IGSF11: variants seen among roughly 807,000 people sequenced by gnomAD.
The protein encoded by IGSF11 is CXADR like 1.
Under a neutral mutation model 41.0 loss-of-function variants are expected in IGSF11, and 22 were observed. That is an observed-to-expected ratio of 0.54 (90% confidence interval 0.38 to 0.77). The LOEUF (loss-of-function observed/expected upper bound fraction) is 0.77. IGSF11 is among the 30% of genes least tolerant of loss of function. IGSF11 has a pLI of 0.00. For missense variants in IGSF11, 444 were observed against 530.8 expected, an observed-to-expected ratio of 0.84 and a Z score of 1.61; for synonymous variants, 219 against 201.3, an observed-to-expected ratio of 1.09 and a Z score of -0.74.
intron 1 of IGSF11, among the ~76,000 whole-genome samples, chr3:119,028,039 T>C (rs1314437623): frequency 6.6e-6 from 1 of 152,176 alleles, no homozygotes; most frequent in Non-Finnish European, 1.5e-5. Flanking sequence ...AGAAGTTGTA[T>C]ACCTGATAGT....
At chr3:118,909,666 G>A (rs957923639) in intron 4 of IGSF11, among the ~76,000 whole-genome samples, 3 of 152,364 alleles carry the variant, frequency 2.0e-5, no homozygotes, top group Admixed American at 6.5e-5. Flanking sequence ...TGGATGTTAG[G>A]ATACATCCTG....
chr3:119,134,782 G>A (rs1233756520), intron 1 of IGSF11, among the ~76,000 whole-genome samples: 1 of 152,106 alleles, frequency 6.6e-6, no homozygotes, highest in Non-Finnish European at 1.5e-5. Context: ...AAAGCTGGAG[G>A]CATCACGCTA....
intron 1 of IGSF11, among the ~76,000 whole-genome samples, chr3:118,962,851 A>C (rs773565428): frequency 6.6e-5 from 10 of 152,166 alleles, no homozygotes; most frequent in Non-Finnish European, 1.0e-4. Context: ...ACAAGGGAGA[A>C]ATAAGGAGGA....
At chr3:119,017,087 G>A (rs1344548524) in intron 1 of IGSF11, among the ~76,000 whole-genome samples, 1 of 150,052 alleles carries the variant, frequency 6.7e-6, no homozygotes, top group African/African-American at 2.5e-5. Flanking sequence ...TCACTTGGGA[G>A]GTGATATCCA....
intron 1 of IGSF11, among the ~76,000 whole-genome samples, chr3:118,999,890 G>GCAACCGA (rs1392374005): frequency 2.0e-5 from 3 of 151,998 alleles, no homozygotes; most frequent in Non-Finnish European, 4.4e-5. Flanking sequence ...TAGAGTACCA[G>GCAACCGA]CAACCGACAC....
chr3:118,933,548 CATT>C (rs1434757337), intron 1 of IGSF11, among the ~76,000 whole-genome samples: 1 of 151,268 alleles, frequency 6.6e-6, no homozygotes, highest in African/African-American at 2.4e-5. Flanking sequence ...TACTTACTGA[CATT>C]ATTTTCATTT....
Position 118,904,813 on chromosome 3 carries a change from TAAGATATATTTA to T in IGSF11, c.704-27_704-16del. On this transcript the variant is annotated splice_polypyrimidine_tract_variant and intron_variant, in intron 5 of 6. Coordinates refer to ENST00000393775, the MANE Select transcript of IGSF11 (RefSeq NM_001015887.3). Reference sequence around the variant, plus strand: ...CCTGGGCTGGGCTGCAAAATATATTTAAGATATATTTAAAGAAAAGAGAAAGAGAGAAATAGC... The same window carrying T: ...CCTGGGCTGGGCTGCAAAATATATTTAAGAAAAGAGAAAGAGAGAAATAGC... The T allele has an allele frequency of 6.3e-7, 1 of 1,578,196 alleles. No homozygotes were observed. Among genetic ancestry groups the T allele is most frequent in the South Asian group, 1.2e-5 (1 of 83,772 alleles).
At chr3:119,005,034 C>T (rs1171029516) in intron 1 of IGSF11, among the ~76,000 whole-genome samples, 57 of 148,502 alleles carry the variant, frequency 3.8e-4, no homozygotes, top group African/African-American at 1.4e-3. Flanking sequence ...CTTCCTGTCT[C>T]GTTGATCTGT....
At chr3:119,140,439 T>C (rs531287038) in intron 1 of IGSF11, among the ~76,000 whole-genome samples, 4 of 152,216 alleles carry the variant, frequency 2.6e-5, no homozygotes, top group South Asian at 4.1e-4. Flanking sequence ...TAAACACATA[T>C]AGCCCTAACA....
chr3:118,931,402 C>G (rs1240458980), intron 1 of IGSF11, among the ~76,000 whole-genome samples: 1 of 152,100 alleles, frequency 6.6e-6, no homozygotes, highest in Admixed American at 6.5e-5. Context: ...GGAAATAATA[C>G]AAATATCCAT....
At chr3:118,961,393 G>C (rs990924888) in intron 1 of IGSF11, among the ~76,000 whole-genome samples, 1 of 151,888 alleles carries the variant, frequency 6.6e-6, no homozygotes, top group African/African-American at 2.4e-5. Context: ...TAAAGCTCAG[G>C]GCACTGTATA....
chr3:118,977,598 G>A (rs1934259265), intron 1 of IGSF11, among the ~76,000 whole-genome samples: 1 of 152,184 alleles, frequency 6.6e-6, no homozygotes, highest in Non-Finnish European at 1.5e-5. Flanking sequence ...AGAAAGTAGA[G>A]GGAAATGAGG....
chr3:118,969,542 C>G (rs534585453), intron 1 of IGSF11, among the ~76,000 whole-genome samples: 7 of 152,144 alleles, frequency 4.6e-5, no homozygotes, highest in Admixed American at 4.6e-4. Context: ...ATGGTAGCTT[C>G]CCCCGTGAAA....
intron 4 of IGSF11, among the ~76,000 whole-genome samples, chr3:118,925,102 A>T (rs9871537): frequency 0.3 from 46,143 of 151,592 alleles, 10,237 homozygotes; most frequent in African/African-American, 0.62. Context: ...AGTTTTTTTT[A>T]AATGATGAAT....
chr3:119,047,318 G>A (rs1335008158), intron 1 of IGSF11, among the ~76,000 whole-genome samples: 1 of 152,034 alleles, frequency 6.6e-6, no homozygotes, highest in African/African-American at 2.4e-5. Context: ...CAAGCAAATG[G>A]AAAACTAAAA....
intron 1 of IGSF11, among the ~76,000 whole-genome samples, chr3:119,129,135 G>A (rs2077442978): frequency 6.6e-6 from 1 of 152,006 alleles, no homozygotes; most frequent in Non-Finnish European, 1.5e-5. Context: ...ACAGAGAGGG[G>A]AACAACAACA....
chr3:119,034,859 G>T (rs953927668), upstream of IGSF11: 1 of 1,211,038 alleles, frequency 8.3e-7, no homozygotes, highest in Non-Finnish European at 1.0e-6. Flanking sequence ...CCGACCCCTC[G>T]CGCAGTCCGG....
chr3:119,001,509 T>A lies in IGSF11; in HGVS notation c.52+33022A>T, dbSNP rs574903897. 4.5e-3 allele frequency among the ~76,000 whole-genome samples: 671 copies of A among 147,630 alleles called. 10 individuals carry two copies. The highest frequency in any genetic ancestry group is 0.016 in the African/African-American group (642 of 40,260). ...ATTATACTTTAAGTTTTAGGGTACATGTGCACATTGTGCAGGTTAGTTACA... is the reference window on the plus strand; with the variant it reads ...ATTATACTTTAAGTTTTAGGGTACAAGTGCACATTGTGCAGGTTAGTTACA... On this transcript the variant is annotated intron_variant, in intron 1 of 6. Transcript: ENST00000393775.
intron 1 of IGSF11, among the ~76,000 whole-genome samples, chr3:119,022,126 A>G (rs1939351982): frequency 6.6e-6 from 1 of 152,230 alleles, no homozygotes; most frequent in Admixed American, 6.5e-5. Flanking sequence ...GGTATATGCT[A>G]CAACATGAAT....
Sources: allele counts gnomAD v4.1 joint callset (sites outside exome capture counted in the v4.1 genomes callset), GRCh38; gene constraint gnomAD v4.1.1; transcripts MANE v1.5; gene names NCBI Gene and HGNC (gene_info 2026-07-23, HGNC 2026-07-21).